The following MEFV variants were observed in gnomAD, a reference collection of about 807,000 sequenced individuals.
MEFV encodes MEFV innate immunity regulator, pyrin.
A neutral mutation model predicts 62.5 loss-of-function variants in MEFV; 60 were observed. That is an observed-to-expected ratio of 0.96 (90% CI 0.78 to 1.19). The LOEUF (loss-of-function observed/expected upper bound fraction) is 1.19. MEFV is among the 50% of genes most tolerant of loss of function. MEFV has a pLI of 0.00. For missense variants in MEFV, 1,169 were observed against 1,004.5 expected (o/e 1.16, Z -2.21); for synonymous variants, 500 against 415.2 (o/e 1.20, Z -2.48).
intron 2 of MEFV, among the ~76,000 whole-genome samples, chr16:3,250,396 C>T (rs560987548): frequency 1.3e-5 from 2 of 152,026 alleles, no homozygotes; most frequent in African/African-American, 2.4e-5. Context: ...ACTGCTTAAG[C>T]TCAGGAGTTT....
chr16:3,244,541 A>G lies in MEFV; in HGVS notation c.1658T>C (p.Ile553Thr), dbSNP rs1213004639. The change falls in exon 7 of 10, where the codon ATA becomes ACA. Residue 553 changes from isoleucine to threonine, a missense_variant. By Grantham distance (89) the Ile-to-Thr change is moderately conservative. Coordinates refer to ENST00000219596, the MANE Select transcript of MEFV (RefSeq NM_000243.3). ...VPEKWTTPQE[I>T]KQKIQLLHQK... Reference sequence around the variant, plus strand: ...GTGGAGGAGTTGGATCTTTTGTTTTATCTCTTGAGGAGTGGTCCACTTTTC... The same window carrying G: ...GTGGAGGAGTTGGATCTTTTGTTTTGTCTCTTGAGGAGTGGTCCACTTTTC... 6.2e-7 allele frequency: 1 copy of G among 1,614,026 alleles called. No individual in the cohort carries two copies. The highest frequency in any genetic ancestry group is 1.1e-5 in the South Asian group (1 of 91,090).
intron 4 of MEFV, 158 bp from the exon 5 acceptor site, chr16:3,247,404 G>A: frequency 3.2e-6 from 2 of 628,154 alleles, no homozygotes; most frequent in Non-Finnish European, 5.6e-6. Flanking sequence ...ATATTGTCTG[G>A]AACCTTCCAG....
At chr16:3,245,532 G>C (rs1699594088) in intron 6 of MEFV, among the ~76,000 whole-genome samples, 1 of 152,122 alleles carries the variant, frequency 6.6e-6, no homozygotes, top group South Asian at 2.1e-4. Flanking sequence ...TACTAGGGAG[G>C]CTGAGGTGGG....
Position 3,244,482 on chromosome 16 carries a change from A to T in MEFV, c.1717T>A (p.Tyr573Asn). The T allele has an allele frequency of 6.2e-7, 1 of 1,613,366 alleles. No individual in the cohort carries two copies. The highest frequency in any genetic ancestry group is 8.5e-7 in the Non-Finnish European group (1 of 1,179,370). ...TCCCAAGCCCATCTACCTGAGAAGT[A>T]CTTTGTGCTCTTCTCCACAAACTCT... ...KSEFVEKSTK[Y>N]FSETLRSEME... Residue 573 changes from tyrosine to asparagine, a missense_variant, in exon 7 of 10, where the codon TAC becomes AAC. Transcript: ENST00000219596.
rs1958953126 is a variant in MEFV, at chr16:3,247,084, C to T, written c.1519G>A (p.Ala507Thr). 3.1e-6 allele frequency: 5 copies of T among 1,614,080 alleles called. No homozygotes were observed. Among genetic ancestry groups the T allele is most frequent in the Admixed American group, 1.7e-5 (1 of 59,992 alleles). ...AYDTRVSQDI[A>T]LLDALIGELE... ...TCCCCAATCAGCGCATCGAGCAGGG[C>T]GATGTCCTGGGATACGCGGGTGTCA... Residue 507 changes from alanine to threonine, a missense_variant, in exon 5 of 10, where the codon GCC becomes ACC. Coordinates refer to ENST00000219596, the MANE Select transcript of MEFV (RefSeq NM_000243.3).
At chr16:3,252,254 G>A (rs531462611) in intron 2 of MEFV, among the ~76,000 whole-genome samples, 26 of 150,726 alleles carry the variant, frequency 1.7e-4, no homozygotes, top group Non-Finnish European at 3.4e-4. Flanking sequence ...GGTCTCAGGG[G>A]TCCCTGGACT....
chr16:3,249,434 G>A lies in MEFV; in HGVS notation c.1257C>T (p.His419=). Residue 419 remains histidine (H), a synonymous_variant, in exon 3 of 10, where the codon CAC becomes CAT. Coordinates refer to ENST00000219596, the MANE Select transcript of MEFV (RefSeq NM_000243.3). ...VRPIEEVALE[H]KKKIQKQLEH... ...CCCACAGGCAGGGAGTGCCTACCTT[G>A]TGTTCCAGGGCGACCTCCTCAATGG... 1 of 1,613,384 alleles carries A rather than the reference G, an allele frequency of 6.2e-7. No homozygotes were observed. Among genetic ancestry groups the A allele is most frequent in the Non-Finnish European group, 8.5e-7 (1 of 1,179,926 alleles).
intron 6 of MEFV, 122 bp from the exon 7 acceptor site, chr16:3,244,710 G>C: frequency 2.6e-6 from 2 of 777,914 alleles, no homozygotes; most frequent in South Asian, 2.8e-5. Context: ...GCTACACAAA[G>C]AAAAGTCTTC....
At chr16:3,251,916 A>G (rs1024940969) in intron 2 of MEFV, 2 of 288,268 alleles carry the variant, frequency 6.9e-6, no homozygotes, top group East Asian at 1.0e-4. Context: ...AGGAATCCCA[A>G]TGATATAAAT....
At chr16:3,254,091 A>C (rs540077820) in intron 2 of MEFV, 67 bp downstream of exon 2, 1 of 1,556,146 alleles carries the variant, frequency 6.4e-7, no homozygotes, top group African/African-American at 1.3e-5. Flanking sequence ...TACAGGCATG[A>C]GCTATCGTGC....
Position 3,254,753 on chromosome 16 carries a change from T to C in MEFV, c.315A>G (p.Ala105=). The C allele has an allele frequency of 6.2e-7, 1 of 1,612,764 alleles. No individual in the cohort carries two copies. Among genetic ancestry groups the C allele is most frequent in the Non-Finnish European group, 8.5e-7 (1 of 1,180,020 alleles). ...TGTTCTCCCCCAGGGAGCTGGACGC[T>C]GCGGAATCATCTGTGCCGTTTTCTT... ...STQENGTDDS[A]ASSSLGENKP... Residue 105 remains alanine, a synonymous_variant, in exon 2 of 10, where the codon GCA becomes GCG. Transcript: ENST00000219596.
At chr16:3,247,588 C>A in intron 4 of MEFV, 1 of 321,878 alleles carries the variant, frequency 3.1e-6, no homozygotes, top group South Asian at 3.5e-5. Flanking sequence ...AAGATGTGGT[C>A]CTACTGGGAT....
chr16:3,242,220 C>T lies in MEFV; in HGVS notation c.*921G>A, dbSNP rs578162874. ...TCTACTAAAAATGCAAAAAATTAGC[C>T]GGGCATGGTGGCGGGCGCCTGTAAT... On this transcript the variant is annotated 3_prime_UTR_variant, in exon 10 of 10. Transcript: ENST00000219596. The T allele has an allele frequency of 2.1e-5, 5 of 239,988 alleles. No individual in the cohort carries two copies. Among genetic ancestry groups the T allele is most frequent in the East Asian group, 3.4e-4 (2 of 5,806 alleles). 14.9% of individuals were successfully genotyped at this position (239,988 alleles called of 1,614,324 possible).
intron 2 of MEFV, 61 bp downstream of exon 2, chr16:3,254,097 C>T (rs1024570516): frequency 5.1e-6 from 8 of 1,579,186 alleles, no homozygotes; most frequent in Non-Finnish European, 6.0e-6. Context: ...CATGAGCTAT[C>T]GTGCCCGGCC....
intron 1 of MEFV, among the ~76,000 whole-genome samples, chr16:3,255,181 G>A (rs910921994): frequency 6.6e-6 from 1 of 152,126 alleles, no homozygotes; most frequent in African/African-American, 2.4e-5. Context: ...GCCAGACGCG[G>A]TGGTGCGCAC....
At chr16:3,255,256 G>T (rs1267495854) in intron 1 of MEFV, among the ~76,000 whole-genome samples, 1 of 152,000 alleles carries the variant, frequency 6.6e-6, no homozygotes, top group African/African-American at 2.4e-5. Context: ...TGTGGAGGTT[G>T]CAGTGAGCTG....
Position 3,246,564 on chromosome 16 carries a change from G to A in MEFV, c.1588-17C>T. 1.9e-6 allele frequency: 3 copies of A among 1,614,074 alleles called. No homozygotes were observed. The highest frequency in any genetic ancestry group is 2.5e-6 in the Non-Finnish European group (3 of 1,179,990). On this transcript the variant is annotated splice_polypyrimidine_tract_variant and intron_variant, in intron 5 of 9. Coordinates refer to ENST00000219596, the MANE Select transcript of MEFV (RefSeq NM_000243.3). ...TCCAATGTCCTAGGAGAAAAAAGAA[G>A]GAAACTGTCGGTTACCAGGCTCCTA...
intron 5 of MEFV, among the ~76,000 whole-genome samples, 165 bp downstream of exon 5, chr16:3,246,851 A>G (rs1958949965): frequency 6.6e-6 from 1 of 152,154 alleles, no homozygotes; most frequent in Admixed American, 6.5e-5. Context: ...ACCTCATCAA[A>G]GGGGTCTGGG....
Position 3,254,072 on chromosome 16 carries a change from C to T in MEFV, c.910+86G>A, listed in dbSNP as rs888983032. 12 of 1,480,020 alleles carry T rather than the reference C, an allele frequency of 8.1e-6. No homozygotes were observed. In the African/African-American group the frequency reaches 1.1e-4, roughly 14 times the overall value. 91.7% of individuals were successfully genotyped at this position (1,480,020 alleles called of 1,614,324 possible). ...ATCCTCCCGCCCTGGCCTCCCAAAG[C>T]GCTGGGATTACAGGCATGAGCTATC... is the stretch of plus-strand genomic sequence containing the variant. On this transcript the variant is annotated intron_variant, in intron 2 of 9. Transcript: ENST00000219596.
Sources: gnomAD v4.1 joint callset for allele counts (sites outside exome capture counted in the v4.1 genomes callset) on GRCh38, gnomAD v4.1.1 for gene constraint, MANE v1.5 for transcripts, NCBI Gene and HGNC (gene_info 2026-07-23, HGNC 2026-07-21) for gene names.